Variants in GOLGA3 observed in about 807,000 individuals in gnomAD.
GOLGA3 encodes golgin subfamily A member 3.
GOLGA3 carries 75 observed loss-of-function variants against 169.4 expected under a neutral mutation model. The observed-to-expected ratio is 0.44, with a 90% CI of 0.37 to 0.54. The LOEUF is 0.54. Among genes scored for constraint, GOLGA3 ranks in the 20% least tolerant of loss-of-function variants. The pLI is 0.00. For synonymous variants in GOLGA3, 824 were observed against 822.4 expected (o/e 1.00, Z -0.03); for missense variants, 1,899 against 1,930.0 (o/e 0.98, Z 0.30).
chr12:132,822,893 G>A (rs1950276283), intron 1 of GOLGA3, among the ~76,000 whole-genome samples: 1 of 152,218 alleles, frequency 6.6e-6, no homozygotes, highest in Admixed American at 6.5e-5. Context: ...CTGCACTGCA[G>A]CCTGGGTGAC....
chr12:132,790,700 C>T (rs1469228368), intron 12 of GOLGA3, among the ~76,000 whole-genome samples: 4 of 152,010 alleles, frequency 2.6e-5, no homozygotes, highest in Admixed American at 6.6e-5. Context: ...GGGCCAAGAC[C>T]CCCACCCCAC....
rs936745391 is a variant in GOLGA3 at position 132,811,062 on chromosome 12, GCACGTGACC to G, written c.519+2236_519+2244del. ...CAGGGGAGGGCCCCCTGTCCAGTGGGCACGTGACCCACGTGACCTTACTTATCATTGGAG... is the reference window on the plus strand; with the variant it reads ...CAGGGGAGGGCCCCCTGTCCAGTGGGCACGTGACCTTACTTATCATTGGAG... On this transcript the variant is annotated intron_variant, in intron 4 of 23. Coordinates refer to ENST00000450791, the MANE Select transcript of GOLGA3 (RefSeq NM_001389683.1). Among the ~76,000 whole-genome samples, 10 of 152,342 alleles carry G rather than the reference GCACGTGACC, an allele frequency of 6.6e-5. No individual in the cohort carries two copies. The East Asian group carries it at 1.7e-3, about 26-fold the overall frequency.
At chr12:132,802,983 A>C (rs1209829044) in intron 7 of GOLGA3, among the ~76,000 whole-genome samples, 1 of 152,178 alleles carries the variant, frequency 6.6e-6, no homozygotes, top group Non-Finnish European at 1.5e-5. Context: ...TGAACCTGGG[A>C]GGCAGAGGTT....
At chr12:132,825,598 A>C (rs147854487) in intron 1 of GOLGA3, 341 of 634,954 alleles carry the variant, frequency 5.4e-4, no homozygotes, top group African/African-American at 4.4e-3. Flanking sequence ...AAATACAGCA[A>C]AGTCTAAACT....
intron 2 of GOLGA3, 152 bp downstream of exon 2, chr12:132,821,844 A>T (rs1449734812): frequency 3.6e-6 from 2 of 559,528 alleles, no homozygotes; most frequent in Non-Finnish European, 6.0e-6. Flanking sequence ...AAAGAGCGAG[A>T]CTCCGTCTCA....
Position 132,777,456 on chromosome 12 carries a change from C to T in GOLGA3, c.3722+210G>A, listed in dbSNP as rs1005696641. Among the ~76,000 whole-genome samples the T allele has an allele frequency of 5.9e-5, 9 of 152,162 alleles. No homozygotes were observed. Among genetic ancestry groups the T allele is most frequent in the African/African-American group, 1.2e-4 (5 of 41,436 alleles). On this transcript the variant is annotated intron_variant, in intron 19 of 23. Transcript: ENST00000450791. This position sits in a 1 kb window ranked among gnomAD's most constrained non-coding sequence, Gnocchi z 4.7. ...CTGAAGCTAAGTACTCCTGCTGGGG[C>T]GCTTTCTCTCTTGGGGGGAGGACAC...
chr12:132,801,140 C>T (rs1318118522), intron 8 of GOLGA3, among the ~76,000 whole-genome samples: 7 of 152,248 alleles, frequency 4.6e-5, no homozygotes, highest in East Asian at 1.9e-4. Context: ...CAGGCCTGGA[C>T]GGACACACAC....
intron 18 of GOLGA3, among the ~76,000 whole-genome samples, chr12:132,780,274 G>C (rs1258503051): frequency 6.6e-6 from 1 of 152,170 alleles, no homozygotes; most frequent in East Asian, 1.9e-4. Flanking sequence ...CTCTGTGCCA[G>C]GTATGGCGGA....
At chr12:132,821,525 C>T (rs1313801817) in intron 2 of GOLGA3, among the ~76,000 whole-genome samples, 2 of 151,934 alleles carry the variant, frequency 1.3e-5, no homozygotes, top group Admixed American at 1.3e-4. Context: ...CAGGAATGTG[C>T]CTGATCTAAA....
chr12:132,816,506 G>C, intron 3 of GOLGA3, 34 bp downstream of exon 3: 1 of 1,602,910 alleles, frequency 6.2e-7, no homozygotes, highest in Non-Finnish European at 8.5e-7. Context: ...ACGCGGACGT[G>C]GAGGGTGGGA....
chr12:132,802,359 GCCGGACA>G (rs2136536979), intron 7 of GOLGA3, among the ~76,000 whole-genome samples: 1 of 150,106 alleles, frequency 6.7e-6, no homozygotes. Flanking sequence ...AATAACAGTG[GCCGGACA>G]CGGGGGTGCA....
Position 132,777,771 on chromosome 12 carries a change from C to T in GOLGA3, c.3617G>A (p.Arg1206His), listed in dbSNP as rs140342661. The T allele has an allele frequency of 1.4e-5, 22 of 1,613,508 alleles. No individual in the cohort carries two copies. The highest frequency in any genetic ancestry group is 1.1e-4 in the African/African-American group (8 of 74,920). ...AAAKVEAGHNRRHFKAASLEL... is the reference protein window; with the variant it reads ...AAAKVEAGHNHRHFKAASLEL... ...CAAGGAGGCCGCCTTGAAGTGGCGG[C>T]GGTTATGCCCGGCTTCCACCTTGGC... Residue 1206 changes from arginine (R) to histidine (H), a missense_variant, in exon 19 of 24, where the codon CGC (arginine) becomes CAC (histidine). Transcript: ENST00000450791. This position sits in a 1 kb window ranked among gnomAD's most constrained non-coding sequence, Gnocchi z 4.7.
chr12:132,798,297 C>T (rs370943270), intron 9 of GOLGA3, 43 bp downstream of exon 9: 25 of 1,562,170 alleles, frequency 1.6e-5, no homozygotes, highest in Admixed American at 5.8e-5. Flanking sequence ...TCGATGTCTG[C>T]GTCTGTTCTC....
intron 22 of GOLGA3, chr12:132,774,705 A>T (rs1369534963): frequency 2.5e-6 from 1 of 402,514 alleles, no homozygotes; most frequent in Non-Finnish European, 4.4e-6. Context: ...TGGGACTTCA[A>T]ACTTTTTCCA....
chr12:132,798,017 G>A lies in GOLGA3; in HGVS notation c.1938+323C>T, dbSNP rs1420061341. 5.9e-5 allele frequency among the ~76,000 whole-genome samples: 9 copies of A among 152,266 alleles called. 1 individual carries two copies. The highest frequency in any genetic ancestry group is 5.8e-4 in the East Asian group (3 of 5,168). ...CCCTGACTGGCAATGACTGACAGCC[G>A]GGGGCCCAGGCCCAAGGCGGGGCTT... On this transcript the variant is annotated intron_variant, in intron 9 of 23. Transcript: ENST00000450791.
Position 132,805,169 on chromosome 12 carries a change from C to A in GOLGA3, c.1291-147G>T, listed in dbSNP as rs1344313856. 6.4e-6 allele frequency: 5 copies of A among 778,844 alleles called. No individual in the cohort carries two copies. In the African/African-American group the frequency reaches 9.1e-5, roughly 14 times the overall value. The allele number at this position is 778,844 out of a possible 1,614,324, so 48.2% of individuals were successfully genotyped here. Reference sequence around the variant, plus strand: ...CGCTCTCCCAAGGCCTGACAGAGGACCCCAAGACCCCCAGGCGCTCTCCCA... The same window carrying A: ...CGCTCTCCCAAGGCCTGACAGAGGAACCCAAGACCCCCAGGCGCTCTCCCA... On this transcript the variant is annotated intron_variant, in intron 6 of 23. Transcript: ENST00000450791.
chr12:132,799,904 C>A (rs1401621191), intron 8 of GOLGA3, among the ~76,000 whole-genome samples: 1 of 152,130 alleles, frequency 6.6e-6, no homozygotes, highest in African/African-American at 2.4e-5. Context: ...CCACACCTGG[C>A]TAACTTTTGC....
chr12:132,827,209 C>A (rs774974551), intron 1 of GOLGA3, among the ~76,000 whole-genome samples: 1 of 152,206 alleles, frequency 6.6e-6, no homozygotes, highest in Non-Finnish European at 1.5e-5. Context: ...CAGCCAAAAA[C>A]CAAACACGAT....
At chr12:132,828,092 G>A (rs756941898) in intron 1 of GOLGA3, among the ~76,000 whole-genome samples, 13 of 152,082 alleles carry the variant, frequency 8.5e-5, no homozygotes, top group Non-Finnish European at 1.8e-4. Context: ...TTCTGCCTGA[G>A]GCGCGCTTTT....
Sources: allele counts gnomAD v4.1 joint callset (sites outside exome capture counted in the v4.1 genomes callset), GRCh38; gene constraint gnomAD v4.1.1; non-coding constraint Gnocchi (gnomAD v3.1); transcripts MANE v1.5; gene names NCBI Gene and HGNC (gene_info 2026-07-23, HGNC 2026-07-21).